RNF19A: variants seen among roughly 807,000 people sequenced by gnomAD.
RNF19A encodes ring finger protein 19A, RBR E3 ubiquitin protein ligase.
A neutral mutation model predicts 75.7 loss-of-function variants in RNF19A; 32 were observed. The observed-to-expected ratio is 0.42, with a 90% CI of 0.32 to 0.57. The LOEUF (loss-of-function observed/expected upper bound fraction) is 0.57, where lower values mean the gene tolerates loss of function less well. Among genes scored for constraint, RNF19A ranks in the 20% least tolerant of loss-of-function variants. The pLI is 0.10. For missense variants in RNF19A, 782 were observed against 1,036.3 expected (o/e 0.75, Z 3.37); for synonymous variants, 335 against 345.2 (o/e 0.97, Z 0.33).
chr8:100,276,738 A>AAAAAAG (rs1563843847), intron 2 of RNF19A, among the ~76,000 whole-genome samples: 17 of 149,980 alleles, frequency 1.1e-4, no homozygotes, highest in South Asian at 2.1e-4. Flanking sequence ...AAAAAAAAAA[A>AAAAAAG]AAAAAGAAAA....
Position 100,324,962 on chromosome 8 carries a change from A to C in RNF19A, c.-243+11146T>G, listed in dbSNP as rs1284915065. 1.3e-5 allele frequency among the ~76,000 whole-genome samples: 2 copies of C among 150,966 alleles called. No homozygotes were observed. Among genetic ancestry groups the C allele is most frequent in the East Asian group, 3.9e-4 (2 of 5,136 alleles). The stretch of plus-strand genomic sequence containing the variant: ...CACTCTGTCACCCAGGCTGGAGTGC[A>C]ATGGCACAACCTCAGCTTACTGCAA... On this transcript the variant is annotated intron_variant, in intron 1 of 3. Transcript: ENST00000519527. The surrounding 1 kb of genome is among the most constrained non-coding windows in gnomAD (Gnocchi z 4.2).
chr8:100,326,640 C>T (rs1822537477), intron 1 of RNF19A, among the ~76,000 whole-genome samples: 1 of 152,168 alleles, frequency 6.6e-6, no homozygotes, highest in Non-Finnish European at 1.5e-5. Flanking sequence ...GCCATCTCTC[C>T]CTGCCTTCCC....
chr8:100,294,118 A>G (rs1422773009), intron 1 of RNF19A, among the ~76,000 whole-genome samples: 1 of 152,210 alleles, frequency 6.6e-6, no homozygotes, highest in Non-Finnish European at 1.5e-5. Context: ...GGAATGAAGC[A>G]TATTTTCCTG....
rs1563831109 is a variant in RNF19A at position 100,261,067 on chromosome 8, TATTCCTTAGACTTAGAA to T, written c.1682+458_1682+474del. 6.6e-6 allele frequency among the ~76,000 whole-genome samples: 1 copy of T among 152,172 alleles called. No individual in the cohort carries two copies. The highest frequency in any genetic ancestry group is 1.9e-4 in the East Asian group (1 of 5,196). On this transcript the variant is annotated intron_variant, in intron 8 of 9. Transcript: ENST00000341084. The surrounding 1 kb of genome is among the most constrained non-coding windows in gnomAD (Gnocchi z 4.4). Reference sequence around the variant, plus strand: ...GACAGTGAAAAAATTGGCAGAATGTTATTCCTTAGACTTAGAAATCTACCACCAAATTTTTCTTTTTT... The same window carrying T: ...GACAGTGAAAAAATTGGCAGAATGTTATCTACCACCAAATTTTTCTTTTTT...
chr8:100,281,517 G>C (rs1820782154), intron 2 of RNF19A, among the ~76,000 whole-genome samples: 2 of 152,092 alleles, frequency 1.3e-5, no homozygotes, highest in African/African-American at 4.8e-5. Context: ...CAGATAGGGT[G>C]ATATATTCTA....
In RNF19A at chr8:100,264,312, A is replaced by G; in HGVS notation, c.1307-117T>C. The G allele has an allele frequency of 1.1e-6, 1 of 901,952 alleles. No homozygotes were observed. Among genetic ancestry groups the G allele is most frequent in the Non-Finnish European group, 1.6e-6 (1 of 614,978 alleles). The allele number at this position is 901,952 out of a possible 1,614,324, so 55.9% of individuals were successfully genotyped here. On this transcript the variant is annotated intron_variant, in intron 6 of 9. Transcript: ENST00000341084. This position sits in a 1 kb window ranked among gnomAD's most constrained non-coding sequence, Gnocchi z 4.7. ...ACAGAGAAAAGCGCCAGGGTTCTGA[A>G]GAGTTGGCTGGAACATTTGCCAAAA...
chr8:100,293,397 T>C (rs995838837), intron 1 of RNF19A, among the ~76,000 whole-genome samples: 4 of 152,252 alleles, frequency 2.6e-5, no homozygotes, highest in African/African-American at 9.6e-5. Context: ...TTGATATCTT[T>C]ATCCTTTCAG....
At chr8:100,316,710 C>G (rs1822381811) in intron 1 of RNF19A, among the ~76,000 whole-genome samples, 1 of 152,256 alleles carries the variant, frequency 6.6e-6, no homozygotes, top group African/African-American at 2.4e-5. Context: ...CTGGCTTCAC[C>G]TAGTGGATCC....
chr8:100,305,647 T>C (rs1305427379), intron 1 of RNF19A, among the ~76,000 whole-genome samples: 3 of 152,218 alleles, frequency 2.0e-5, no homozygotes, highest in Admixed American at 2.0e-4. Flanking sequence ...TACCTTAGAT[T>C]GTAGATACTT....
intron 5 of RNF19A, among the ~76,000 whole-genome samples, chr8:100,268,392 T>C (rs1459382268): frequency 6.6e-6 from 1 of 152,192 alleles, no homozygotes; most frequent in Non-Finnish European, 1.5e-5. Flanking sequence ...ATTCAAGAAC[T>C]GGCTAATTAT....
intron 1 of RNF19A, 137 bp from the exon 2 acceptor site, chr8:100,288,404 T>C (rs965460788): frequency 1.0e-5 from 4 of 399,806 alleles, no homozygotes; most frequent in Non-Finnish European, 1.7e-5. Context: ...GGCCAATTTA[T>C]TAAATAGTCT....
chr8:100,274,208 C>G (rs959857289), intron 3 of RNF19A, among the ~76,000 whole-genome samples: 21 of 152,292 alleles, frequency 1.4e-4, no homozygotes, highest in Admixed American at 3.9e-4. Context: ...CTCTGTATGA[C>G]TGTGTGTTCT....
Position 100,258,480 on chromosome 8 carries a change from C to T in RNF19A, c.*76G>A. 1 of 1,223,990 alleles carries T rather than the reference C, an allele frequency of 8.2e-7. No homozygotes were observed. The highest frequency in any genetic ancestry group is 1.1e-6 in the Non-Finnish European group (1 of 869,630). 75.8% of individuals were successfully genotyped at this position (1,223,990 alleles called of 1,614,324 possible). A position where few individuals can be genotyped will look rare whatever the true frequency, so the allele number is the denominator to read the frequency against. On this transcript the variant is annotated 3_prime_UTR_variant, in exon 10 of 10. Coordinates refer to ENST00000341084, the MANE Select transcript of RNF19A (RefSeq NM_183419.4). This position sits in a 1 kb window ranked among gnomAD's most constrained non-coding sequence, Gnocchi z 4.3. ...CCCGGCTTTTGCTGGTAACCTGAAACTTAAGTAGTCACATGTAGTTCAACC... is the reference window on the plus strand; with the variant it reads ...CCCGGCTTTTGCTGGTAACCTGAAATTTAAGTAGTCACATGTAGTTCAACC...
chr8:100,309,521 C>A, intron 1 of RNF19A: 4 of 985,488 alleles, frequency 4.1e-6, no homozygotes, highest in Non-Finnish European at 3.6e-6. Flanking sequence ...CGCCTCGGCC[C>A]GTCATAATAT....
In RNF19A at chr8:100,287,365, G is replaced by T; in HGVS notation, c.674+136C>A. ...GCCTTTAACACCTAGCATAGTGCCT[G>T]ACATATGGTGTGCACTCAACATGTC... is the stretch of plus-strand genomic sequence containing the variant. On this transcript the variant is annotated intron_variant, in intron 2 of 9. Transcript: ENST00000341084. The surrounding 1 kb of genome is among the most constrained non-coding windows in gnomAD (Gnocchi z 4.1). 1.4e-6 allele frequency: 1 copy of T among 708,258 alleles called. No homozygotes were observed. The highest frequency in any genetic ancestry group is 2.3e-6 in the Non-Finnish European group (1 of 430,780). The allele number at this position is 708,258 out of a possible 1,614,324, so 43.9% of individuals were successfully genotyped here.
At chr8:100,292,945 C>A (rs1220030209) in intron 1 of RNF19A, among the ~76,000 whole-genome samples, 1 of 152,112 alleles carries the variant, frequency 6.6e-6, no homozygotes, top group Non-Finnish European at 1.5e-5. Flanking sequence ...GGTACCAGGA[C>A]CAATTTCATA....
chr8:100,284,324 G>A lies in RNF19A; in HGVS notation c.674+3177C>T, dbSNP rs1273296068. Among the ~76,000 whole-genome samples, 2 of 151,974 alleles carry A rather than the reference G, an allele frequency of 1.3e-5. No individual in the cohort carries two copies. The highest frequency in any genetic ancestry group is 3.8e-4 in the East Asian group (2 of 5,202). On this transcript the variant is annotated intron_variant, in intron 2 of 9. Transcript: ENST00000341084. This position sits in a 1 kb window ranked among gnomAD's most constrained non-coding sequence, Gnocchi z 4.3. Reference sequence around the variant, plus strand: ...GTATACATACAAATTTTATATTATTGGGTGACATTTTCTTCAAAACACAAT... The same window carrying A: ...GTATACATACAAATTTTATATTATTAGGTGACATTTTCTTCAAAACACAAT...
chr8:100,294,634 A>T (rs1162147275), intron 1 of RNF19A, among the ~76,000 whole-genome samples: 1 of 152,024 alleles, frequency 6.6e-6, no homozygotes, highest in Non-Finnish European at 1.5e-5. Flanking sequence ...CTTGACTTTC[A>T]GCTGCCCTAC....
chr8:100,287,894 A>T lies in RNF19A; in HGVS notation c.281T>A (p.Ile94Asn). Residue 94 changes from isoleucine to asparagine, a missense_variant, in exon 2 of 10, where the codon ATT becomes AAT. Transcript: ENST00000341084. The surrounding 1 kb of genome is among the most constrained non-coding windows in gnomAD (Gnocchi z 4.1). ...ACACATTTCAGAATGTATACTTTCAATACTTGCAATTCCATCCACCCCGCC... is the reference window on the plus strand; with the variant it reads ...ACACATTTCAGAATGTATACTTTCATTACTTGCAATTCCATCCACCCCGCC... ...LNGGVDGIAS[I>N]ESIHSEMCTD... 6.2e-7 allele frequency: 1 copy of T among 1,614,198 alleles called. No individual in the cohort carries two copies. The highest frequency in any genetic ancestry group is 8.5e-7 in the Non-Finnish European group (1 of 1,180,032).
Sources: allele counts gnomAD v4.1 joint callset (sites outside exome capture counted in the v4.1 genomes callset), GRCh38; gene constraint gnomAD v4.1.1; non-coding constraint Gnocchi (gnomAD v3.1); transcripts MANE v1.5; gene names NCBI Gene and HGNC (gene_info 2026-07-23, HGNC 2026-07-21).